Variants in SCN8A observed in about 807,000 individuals in gnomAD.
The protein encoded by SCN8A is sodium voltage-gated channel alpha subunit 8.
In SCN8A, 30 loss-of-function variants were observed where a neutral mutation model predicts 184.1. The observed-to-expected ratio is 0.16, with a 90% CI of 0.12 to 0.22. The LOEUF is 0.22. Ranked by LOEUF, SCN8A falls within the 10% of genes least tolerant of loss-of-function variation. The probability of loss-of-function intolerance (pLI) is 1.00; values close to 1 mark genes in which losing one functional copy is unlikely to be tolerated. For synonymous variants in SCN8A, 852 were observed against 907.0 expected (o/e 0.94, Z 1.09); for missense variants, 1,057 against 2,498.9 (o/e 0.42, Z 12.30).
At chr12:51,690,063 T>C (rs541049215) in intron 6 of SCN8A, 1 of 152,292 alleles carries the variant, frequency 6.6e-6, no homozygotes, top group Admixed American at 6.5e-5. Context: ...TACTGGGTAA[T>C]ACTTATCTTT....
chr12:51,668,379 A>G (rs1390522671), intron 2 of SCN8A, among the ~76,000 whole-genome samples: 1 of 152,148 alleles, frequency 6.6e-6, no homozygotes, highest in Non-Finnish European at 1.5e-5. Context: ...TCAAAAGCCC[A>G]CACCACTGTT....
At chr12:51,614,869 T>C (rs1323590287) in intron 1 of SCN8A, among the ~76,000 whole-genome samples, 1 of 151,954 alleles carries the variant, frequency 6.6e-6, no homozygotes, top group Non-Finnish European at 1.5e-5. Flanking sequence ...AAGAACATTT[T>C]ACATGAGATG....
intron 1 of SCN8A, among the ~76,000 whole-genome samples, chr12:51,624,553 T>G (rs531661686): frequency 4.5e-4 from 69 of 152,170 alleles, no homozygotes; most frequent in Non-Finnish European, 8.5e-4. Context: ...TTTCTCCCAT[T>G]CTGTAGGTTG....
chr12:51,645,956 A>AT (rs1359235625), intron 1 of SCN8A, among the ~76,000 whole-genome samples: 490 of 38,032 alleles, frequency 0.013, no homozygotes, highest in East Asian at 0.071. Flanking sequence ...CAATTAAAAA[A>AT]AAAAAAAAAT....
Position 51,769,908 on chromosome 12 carries a change from A to G in SCN8A, c.3413A>G (p.Asp1138Gly). ...AGCTCCTCTGAAGGAAGCACCATTG[A>G]TATCAAACCAGAAGTAGAAGAGGTC... is the stretch of plus-strand genomic sequence containing the variant. ...DTSSSEGSTI[D>G]IKPEVEEVPV... Residue 1138 changes from aspartate to glycine, a missense_variant, in exon 18 of 27, where the codon GAT (aspartate) becomes GGT (glycine). This residue lies in a region of SCN8A where 178 missense variants were observed against 259.6 expected (regional missense o/e 0.69). Coordinates refer to ENST00000627620, the MANE Select transcript of SCN8A (RefSeq NM_001330260.2). The G allele has an allele frequency of 6.2e-7, 1 of 1,608,040 alleles. No homozygotes were observed. Among genetic ancestry groups the G allele is most frequent in the Non-Finnish European group, 8.5e-7 (1 of 1,177,352 alleles).
intron 1 of SCN8A, among the ~76,000 whole-genome samples, chr12:51,654,589 A>C (rs1055631175): frequency 6.6e-6 from 1 of 151,948 alleles, no homozygotes; most frequent in Admixed American, 6.6e-5. Context: ...TTTGATTACT[A>C]TAGATTTGCA....
rs1332644457 is a variant in SCN8A at position 51,807,249 on chromosome 12, T to A, written c.5763T>A (p.Thr1921=). 2 of 1,613,696 alleles carry A rather than the reference T, an allele frequency of 1.2e-6. No individual in the cohort carries two copies. The highest frequency in any genetic ancestry group is 4.5e-5 in the East Asian group (2 of 44,858). ...GGGGCTTCATCTGCAAAAAGACAAC[T>A]TCTAATAAGCTGGAGAATGGAGGCA... is the stretch of plus-strand genomic sequence containing the variant. ...ARRGFICKKT[T]SNKLENGGTH... is the part of the protein sequence containing the mutation. Residue 1921 remains threonine, a synonymous_variant, in exon 27 of 27, where the codon ACT becomes ACA. Coordinates refer to ENST00000627620, the MANE Select transcript of SCN8A (RefSeq NM_001330260.2). The surrounding 1 kb of genome is among the most constrained non-coding windows in gnomAD (Gnocchi z 4.5).
chr12:51,776,476 T>A (rs1482511442), intron 20 of SCN8A, among the ~76,000 whole-genome samples: 2 of 152,242 alleles, frequency 1.3e-5, no homozygotes, highest in Non-Finnish European at 2.9e-5. Context: ...AATGCCATTA[T>A]CTGTGTAGAA....
chr12:51,597,243 T>A (rs952046067), intron 1 of SCN8A, among the ~76,000 whole-genome samples: 1 of 152,164 alleles, frequency 6.6e-6, no homozygotes, highest in Non-Finnish European at 1.5e-5. Context: ...GAGATTTGGA[T>A]CACTTTATAT....
intron 9 of SCN8A, among the ~76,000 whole-genome samples, chr12:51,703,777 A>G (rs1399650960): frequency 6.6e-6 from 1 of 152,216 alleles, no homozygotes; most frequent in Non-Finnish European, 1.5e-5. Context: ...CCCCTCAGGC[A>G]TGAAGGACCC....
chr12:51,700,039 G>A (rs1241886421), intron 7 of SCN8A, among the ~76,000 whole-genome samples: 1 of 152,010 alleles, frequency 6.6e-6, no homozygotes, highest in Non-Finnish European at 1.5e-5. Context: ...GGTGGCACAT[G>A]CCTGTAATCC....
At chr12:51,718,208 G>A (rs779744598) in intron 11 of SCN8A, among the ~76,000 whole-genome samples, 17 of 152,166 alleles carry the variant, frequency 1.1e-4, no homozygotes, top group Admixed American at 6.5e-5. Context: ...CAGGCTGAGC[G>A]CAGTGCCTCA....
intron 2 of SCN8A, among the ~76,000 whole-genome samples, chr12:51,671,607 A>G (rs1941132544): frequency 6.6e-6 from 1 of 152,332 alleles, no homozygotes; most frequent in Admixed American, 6.5e-5. Context: ...AATGTTAAAG[A>G]ATGTTTCAAG....
At chr12:51,715,657 CAAAAAAAAAAAA>C (rs71092719) in intron 11 of SCN8A, among the ~76,000 whole-genome samples, 1 of 71,850 alleles carries the variant, frequency 1.4e-5, no homozygotes, top group African/African-American at 5.3e-5. Context: ...GTCTCTGTCT[CAAAAAAAAAAAA>C]AAAAAAAAAA....
chr12:51,709,472 G>A (rs889145142), intron 11 of SCN8A, among the ~76,000 whole-genome samples: 25 of 152,240 alleles, frequency 1.6e-4, no homozygotes, highest in Admixed American at 4.6e-4. Context: ...GAAGTCAGGA[G>A]AGTAGCGATG....
chr12:51,598,661 T>G (rs564690541), intron 1 of SCN8A, among the ~76,000 whole-genome samples: 17 of 152,300 alleles, frequency 1.1e-4, no homozygotes, highest in Middle Eastern at 3.4e-3. Flanking sequence ...AATTCAAAAA[T>G]CAAAAAGTTC....
At chr12:51,695,991 C>G (rs376972628) in intron 6 of SCN8A, among the ~76,000 whole-genome samples, 1 of 152,030 alleles carries the variant, frequency 6.6e-6, no homozygotes, top group African/African-American at 2.4e-5. Context: ...AGCTCCCAGC[C>G]CAGGAAAATC....
intron 12 of SCN8A, among the ~76,000 whole-genome samples, chr12:51,740,192 G>A (rs1942397449): frequency 6.6e-6 from 1 of 152,236 alleles, no homozygotes; most frequent in African/African-American, 2.4e-5. Context: ...TTATGAACAT[G>A]TTACAGTGCT....
chr12:51,644,814 A>C (rs1321668217), intron 1 of SCN8A, among the ~76,000 whole-genome samples: 16 of 148,826 alleles, frequency 1.1e-4, no homozygotes, highest in Non-Finnish European at 1.5e-4. Context: ...GGCCGCCATC[A>C]CATCTGGGAA....
Sources: gnomAD v4.1 joint callset for allele counts (sites outside exome capture counted in the v4.1 genomes callset) on GRCh38, gnomAD v4.1.1 for gene constraint, gnomAD v4.1.1 regional missense constraint, Gnocchi (gnomAD v3.1) non-coding constraint, MANE v1.5 for transcripts, NCBI Gene and HGNC (gene_info 2026-07-23, HGNC 2026-07-21) for gene names.